VPS26C: variants seen among roughly 807,000 people sequenced by gnomAD.
VPS26C encodes the protein vacuolar protein sorting-associated protein 26C.
In VPS26C, 19 loss-of-function variants were observed where a neutral mutation model predicts 30.6. The ratio of observed to expected loss-of-function variants is 0.62; its 90% CI spans 0.43 to 0.91. The LOEUF (loss-of-function observed/expected upper bound fraction) is 0.91. Among genes scored for constraint, VPS26C ranks in the 40% least tolerant of loss-of-function variants. The probability of loss-of-function intolerance (pLI) is 0.00; values close to 1 mark genes in which losing one functional copy is unlikely to be tolerated. For missense variants in VPS26C, 318 were observed against 385.1 expected (o/e 0.83, Z 1.46); for synonymous variants, 132 against 151.5 (o/e 0.87, Z 0.95).
At position 37,227,750 on chromosome 21, in the gene VPS26C, C is replaced by T. The variant is rs756096909; in HGVS notation, c.715G>A (p.Asp239Asn). ...GAGAGGCCCCTGCACACATCCCCGT[C>T]GGCGATCTGAATGTTCTGAATCTCC... Reference protein sequence around the residue: ...ATEIQNIQIADGDVCRGLSVP... With the variant: ...ATEIQNIQIANGDVCRGLSVP... The change falls in exon 7 of 8, where the codon GAC becomes AAC. Residue 239 changes from aspartate (D) to asparagine (N), a missense_variant. Physicochemically the swap from Asp to Asn is conservative, Grantham distance 23. Transcript: ENST00000309117. 25 of 1,614,048 alleles carry T rather than the reference C, an allele frequency of 1.5e-5. No individual in the cohort carries two copies. The highest frequency in any genetic ancestry group is 2.2e-5 in the East Asian group (1 of 44,888).
Position 37,225,002 on chromosome 21 carries a change from G to C in VPS26C, c.*542C>G, listed in dbSNP as rs1368891369. ...AACAAAACCAAAAAACTACAGAATA[G>C]AGTAGGGGTGGAGGGAAGTCATGCA... On this transcript the variant is annotated 3_prime_UTR_variant, in exon 8 of 8. Coordinates refer to ENST00000309117, the MANE Select transcript of VPS26C (RefSeq NM_006052.2). 1.9e-5 allele frequency: 3 copies of C among 155,796 alleles called. No homozygotes were observed. Among genetic ancestry groups the C allele is most frequent in the African/African-American group, 7.2e-5 (3 of 41,482 alleles). 9.7% of individuals were successfully genotyped at this position (155,796 alleles called of 1,614,324 possible).
chr21:37,248,780 G>C (rs1279278063), intron 1 of VPS26C, among the ~76,000 whole-genome samples: 1 of 149,436 alleles, frequency 6.7e-6, no homozygotes, highest in Non-Finnish European at 1.5e-5. Context: ...CACTCAGAGA[G>C]AGAGACAGGA....
chr21:37,238,616 A>C lies in VPS26C; in HGVS notation c.202-7T>G. 1.2e-6 allele frequency: 2 copies of C among 1,613,834 alleles called. No homozygotes were observed. On this transcript the variant is annotated splice_region_variant and splice_polypyrimidine_tract_variant and intron_variant, in intron 2 of 7. Transcript: ENST00000309117. ...TGTTGATAATCTGGATAGGCTGTAA[A>C]CAAAAATCAGTTCAGTCCATCAGCA...
At position 37,225,490 on chromosome 21, in the gene VPS26C, A is replaced by G; in HGVS notation, c.*54T>C. ...TGTAGCTCCCCTTAGGATTTGGATAACCAGCTGGATTTCCAGATGGCCACT... is the reference window on the plus strand; with the variant it reads ...TGTAGCTCCCCTTAGGATTTGGATAGCCAGCTGGATTTCCAGATGGCCACT... On this transcript the variant is annotated 3_prime_UTR_variant, in exon 8 of 8. Transcript: ENST00000309117. 6.7e-7 allele frequency: 1 copy of G among 1,481,896 alleles called. No homozygotes were observed. Among genetic ancestry groups the G allele is most frequent in the East Asian group, 2.3e-5 (1 of 44,114 alleles). The allele number at this position is 1,481,896 out of a possible 1,614,324, so 91.8% of individuals were successfully genotyped here.
intron 2 of VPS26C, among the ~76,000 whole-genome samples, chr21:37,239,079 G>C (rs1285963333): frequency 2.0e-5 from 3 of 152,174 alleles, no homozygotes; most frequent in East Asian, 3.8e-4. Flanking sequence ...AGCCGCTCAG[G>C]GAGAGCAGGC....
chr21:37,248,970 A>G (rs1345308936), intron 1 of VPS26C, among the ~76,000 whole-genome samples: 1 of 152,186 alleles, frequency 6.6e-6, no homozygotes, highest in East Asian at 1.9e-4. Context: ...TACAACTCAT[A>G]TTAATAGCTA....
chr21:37,244,936 C>T (rs2086122602), intron 1 of VPS26C, among the ~76,000 whole-genome samples: 1 of 152,174 alleles, frequency 6.6e-6, no homozygotes, highest in African/African-American at 2.4e-5. Context: ...AGCAGTCGGT[C>T]TCTGCAGTGG....
In VPS26C at chr21:37,225,068, T is replaced by C. The variant is rs1389326584; in HGVS notation, c.*476A>G. ...ACTTTGCGCTCTGCCTTGGCGAGTA[T>C]CTGCAAACTTCCTGACCATCAAGTG... On this transcript the variant is annotated 3_prime_UTR_variant, in exon 8 of 8. Transcript: ENST00000309117. 5.9e-6 allele frequency: 1 copy of C among 169,586 alleles called. No individual in the cohort carries two copies. The highest frequency in any genetic ancestry group is 1.3e-5 in the Non-Finnish European group (1 of 77,018). 10.5% of individuals were successfully genotyped at this position (169,586 alleles called of 1,614,324 possible).
chr21:37,267,062 G>A lies in VPS26C; in HGVS notation c.57+176C>T, dbSNP rs2086372329. ...CCTCGCAGGGCAGCCAGCCTCGCGCGGGAAGCACCTGGCGGGGACGCACCT... is the reference window on the plus strand; with the variant it reads ...CCTCGCAGGGCAGCCAGCCTCGCGCAGGAAGCACCTGGCGGGGACGCACCT... On this transcript the variant is annotated intron_variant, in intron 1 of 7. Coordinates refer to ENST00000309117, the MANE Select transcript of VPS26C (RefSeq NM_006052.2). 4.5e-6 allele frequency: 3 copies of A among 665,608 alleles called. No homozygotes were observed. In the South Asian group the frequency reaches 5.2e-5, roughly 12 times the overall value. The allele number at this position is 665,608 out of a possible 1,614,324, so 41.2% of individuals were successfully genotyped here.
At chr21:37,260,932 A>G (rs2086297601) in intron 1 of VPS26C, 1 of 152,232 alleles carries the variant, frequency 6.6e-6, no homozygotes, top group Non-Finnish European at 1.5e-5. Flanking sequence ...TGCCTACAAT[A>G]CCATAGTTTC....
chr21:37,253,762 G>A (rs941239996), intron 1 of VPS26C, among the ~76,000 whole-genome samples: 7 of 152,184 alleles, frequency 4.6e-5, no homozygotes, highest in East Asian at 3.9e-4. Flanking sequence ...AATCTGAAAC[G>A]TTCCAAAGTC....
intron 4 of VPS26C, 61 bp from the exon 5 acceptor site, chr21:37,232,512 A>C: frequency 7.1e-7 from 1 of 1,414,618 alleles, no homozygotes; most frequent in Non-Finnish European, 1.0e-6. Flanking sequence ...CAGGTCAAAT[A>C]GCTTTTCCCT....
chr21:37,225,962 C>G (rs142049867), intron 7 of VPS26C: 3 of 305,654 alleles, frequency 9.8e-6, no homozygotes, highest in African/African-American at 6.2e-5. Flanking sequence ...CATTTGTATT[C>G]CTTTGCCTTA....
intron 1 of VPS26C, chr21:37,261,249 C>T (rs2086300819): frequency 6.6e-6 from 1 of 152,160 alleles, no homozygotes; most frequent in African/African-American, 2.4e-5. Context: ...ACTTTGTTTC[C>T]TTCGCTGTGT....
At position 37,255,175 on chromosome 21, in the gene VPS26C, G is replaced by GT. The variant is rs1179234034; in HGVS notation, c.57+12062dup. ...TTTTTTTTAGATTAGAAAAAGCTTA[G>GT]TTTTTTTCCTGATGATTACTGAAGA... On this transcript the variant is annotated intron_variant, in intron 1 of 7. Transcript: ENST00000309117. Among the ~76,000 whole-genome samples, 7 of 152,236 alleles carry GT rather than the reference G, an allele frequency of 4.6e-5. No individual in the cohort carries two copies. In the South Asian group the frequency reaches 1.5e-3, roughly 32 times the overall value.
chr21:37,248,341 G>T (rs1602278113), intron 1 of VPS26C, among the ~76,000 whole-genome samples: 1 of 44,784 alleles, frequency 2.2e-5, no homozygotes, highest in Non-Finnish European at 4.0e-5. Flanking sequence ...TTCTGGGGGT[G>T]GGGGGAGGGG....
At chr21:37,260,580 G>A (rs1303000160) in intron 1 of VPS26C, among the ~76,000 whole-genome samples, 1 of 152,146 alleles carries the variant, frequency 6.6e-6, no homozygotes, top group Non-Finnish European at 1.5e-5. Context: ...TAGGGAGAAG[G>A]TGCCCCAACA....
chr21:37,238,202 C>T, intron 3 of VPS26C: 2 of 450,968 alleles, frequency 4.4e-6, no homozygotes, highest in Non-Finnish European at 7.8e-6. Flanking sequence ...TGTGAGGTGG[C>T]CTGAAAAGAG....
chr21:37,244,913 G>A (rs868670803), intron 1 of VPS26C, among the ~76,000 whole-genome samples: 23 of 152,174 alleles, frequency 1.5e-4, no homozygotes, highest in African/African-American at 4.8e-4. Flanking sequence ...CTGTCAACCC[G>A]CCCCATGCTG....
Sources: gnomAD v4.1 joint callset for allele counts (sites outside exome capture counted in the v4.1 genomes callset) on GRCh38, gnomAD v4.1.1 for gene constraint, MANE v1.5 for transcripts, NCBI Gene and HGNC (gene_info 2026-07-23, HGNC 2026-07-21) for gene names.